The following OTOF variants were observed in gnomAD, a reference collection of about 807,000 sequenced individuals.
OTOF encodes the protein otoferlin.
A neutral mutation model predicts 236.8 loss-of-function variants in OTOF; 218 were observed. The ratio of observed to expected loss-of-function variants is 0.92; its 90% confidence interval spans 0.82 to 1.03. The LOEUF (loss-of-function observed/expected upper bound fraction) is 1.03, where lower values mean the gene tolerates loss of function less well. Among genes scored for constraint, OTOF ranks in the 50% least tolerant of loss-of-function variants. The pLI is 0.00. For missense variants in OTOF, 2,590 were observed against 2,694.4 expected (o/e 0.96, Z 0.86); for synonymous variants, 1,041 against 1,072.5 (o/e 0.97, Z 0.57).
chr2:26,488,160 C>T (rs920577244), intron 11 of OTOF, among the ~76,000 whole-genome samples: 2 of 152,196 alleles, frequency 1.3e-5, no homozygotes, highest in Admixed American at 6.5e-5. Context: ...GAACCACAAG[C>T]GATCGCCAAT....
intron 1 of OTOF, among the ~76,000 whole-genome samples, chr2:26,543,411 C>A (rs1333871237): frequency 6.6e-6 from 1 of 152,192 alleles, no homozygotes; most frequent in Non-Finnish European, 1.5e-5. Flanking sequence ...GGGACCATCA[C>A]GAGGATGACA....
Position 26,461,693 on chromosome 2 carries a change from C to T in OTOF, c.5533+3G>A. The T allele has an allele frequency of 6.2e-7, 1 of 1,613,840 alleles. No homozygotes were observed. The highest frequency in any genetic ancestry group is 8.5e-7 in the Non-Finnish European group (1 of 1,180,024). On this transcript the variant is annotated splice_donor_region_variant and intron_variant, in intron 43 of 46. Coordinates refer to ENST00000272371, the MANE Select transcript of OTOF (RefSeq NM_194248.3). The surrounding 1 kb of genome is among the most constrained non-coding windows in gnomAD (Gnocchi z 6.2). Reference sequence around the variant, plus strand: ...GAACCCCCATCCCTGCCCTGCTCTGCACCCAGGAAGTCGTCAGCGGAGAAG... The same window carrying T: ...GAACCCCCATCCCTGCCCTGCTCTGTACCCAGGAAGTCGTCAGCGGAGAAG...
At chr2:26,535,776 G>A (rs1667055329) in intron 2 of OTOF, among the ~76,000 whole-genome samples, 1 of 152,206 alleles carries the variant, frequency 6.6e-6, no homozygotes, top group South Asian at 2.1e-4. Flanking sequence ...TAGATGCTCG[G>A]AATGTGGCCC....
chr2:26,533,331 GGAAA>G (rs1369192888), intron 2 of OTOF, among the ~76,000 whole-genome samples: 1 of 152,152 alleles, frequency 6.6e-6, no homozygotes, highest in Non-Finnish European at 1.5e-5. Flanking sequence ...AGAGTACAAT[GGAAA>G]GAGACGGATT....
intron 2 of OTOF, among the ~76,000 whole-genome samples, chr2:26,533,869 A>G (rs913348117): frequency 2.0e-5 from 3 of 152,014 alleles, no homozygotes; most frequent in African/African-American, 7.2e-5. Context: ...TCTGGCCTCC[A>G]GGAGGTAACA....
At chr2:26,517,326 G>A (rs1666558604) in intron 4 of OTOF, among the ~76,000 whole-genome samples, 1 of 152,174 alleles carries the variant, frequency 6.6e-6, no homozygotes, top group Non-Finnish European at 1.5e-5. Flanking sequence ...CTGTGCCCCA[G>A]ACAGGCGGCC....
In OTOF at chr2:26,479,288, G is replaced by A. The variant is rs1354607870; in HGVS notation, c.2190C>T (p.Ile730=). 1 of 1,612,858 alleles carries A rather than the reference G, an allele frequency of 6.2e-7. No individual in the cohort carries two copies. The highest frequency in any genetic ancestry group is 8.5e-7 in the Non-Finnish European group (1 of 1,179,974). Reference sequence around the variant, plus strand: ...CCAGCTTGTCGGCAATGTGGTCCATGATGTTGGCATTGTAGAGGCGGCGGC... The same window carrying A: ...CCAGCTTGTCGGCAATGTGGTCCATAATGTTGGCATTGTAGAGGCGGCGGC... ...DQRRRLYNAN[I]MDHIADKLEE... The change falls in exon 18 of 47, where the codon ATC becomes ATT. Residue 730 remains isoleucine (I), a synonymous_variant. Transcript: ENST00000272371.
At chr2:26,542,096 G>A (rs1309162876) in intron 1 of OTOF, among the ~76,000 whole-genome samples, 1 of 152,270 alleles carries the variant, frequency 6.6e-6, no homozygotes, top group Non-Finnish European at 1.5e-5. Context: ...ATGGAGACGA[G>A]CTCAGTGCTT....
intron 3 of OTOF, among the ~76,000 whole-genome samples, chr2:26,525,106 G>C (rs1666769170): frequency 6.6e-6 from 1 of 152,216 alleles, no homozygotes; most frequent in African/African-American, 2.4e-5. Context: ...CCCCTGGTGG[G>C]GGGTGTCTCA....
chr2:26,537,849 C>T (rs1667112163), intron 1 of OTOF, 75 bp from the exon 2 acceptor site: 2 of 1,090,518 alleles, frequency 1.8e-6, no homozygotes, highest in Non-Finnish European at 2.8e-6. Context: ...CCTCCTCATC[C>T]TGGGAGTCGT....
chr2:26,460,924 G>GATGGAC lies in OTOF; in HGVS notation c.5634_5639dup (p.Ser1879_Ile1880insMetSer). The GATGGAC allele has an allele frequency of 6.2e-7, 1 of 1,614,150 alleles. No individual in the cohort carries two copies. The highest frequency in any genetic ancestry group is 8.5e-7 in the Non-Finnish European group (1 of 1,180,022). Reference sequence around the variant, plus strand: ...AGCCTTTGACGCGCTTTTGCTTGAAGATGGACACGAGGGGCACGTCCACCT... The same window carrying GATGGAC: ...AGCCTTTGACGCGCTTTTGCTTGAAGATGGACATGGACACGAGGGGCACGTCCACCT... On this transcript the variant is annotated inframe_insertion, in exon 44 of 47. Coordinates refer to ENST00000272371, the MANE Select transcript of OTOF (RefSeq NM_194248.3). The surrounding 1 kb of genome is among the most constrained non-coding windows in gnomAD (Gnocchi z 5.3).
chr2:26,558,291 C>G (rs553527851), intron 1 of OTOF, among the ~76,000 whole-genome samples: 10 of 152,208 alleles, frequency 6.6e-5, no homozygotes, highest in Non-Finnish European at 1.2e-4. Flanking sequence ...CATGGAAGAA[C>G]AGGGGACCCT....
chr2:26,483,205 ATGTGTGTGTGCGTGCC>A (rs1387484443), intron 13 of OTOF, among the ~76,000 whole-genome samples: 1 of 151,706 alleles, frequency 6.6e-6, no homozygotes, highest in Admixed American at 6.6e-5. Context: ...GAGTGGGTGC[ATGTGTGTGTGCGTGCC>A]TGTGTGTGGA....
chr2:26,472,324 C>T (rs1043618304), intron 30 of OTOF, 195 bp downstream of exon 30: 95 of 676,850 alleles, frequency 1.4e-4, no homozygotes, highest in Non-Finnish European at 9.4e-5. Context: ...ACATACCACA[C>T]GCACGCGTGT....
intron 3 of OTOF, 76 bp downstream of exon 3, chr2:26,527,756 C>T (rs1251140134): frequency 3.2e-5 from 35 of 1,080,320 alleles, no homozygotes; most frequent in Non-Finnish European, 4.9e-5. Context: ...AAGCCCCAAA[C>T]AGAGGGTAGC....
At chr2:26,497,647 G>A (rs1262545670) in intron 8 of OTOF, among the ~76,000 whole-genome samples, 1 of 152,150 alleles carries the variant, frequency 6.6e-6, no homozygotes, top group Non-Finnish European at 1.5e-5. Flanking sequence ...CAATGTTAAT[G>A]AGAACATTGC....
In OTOF at chr2:26,489,421, G is replaced by A. The variant is rs1042581638; in HGVS notation, c.961-126C>T. On this transcript the variant is annotated intron_variant, in intron 10 of 46. Coordinates refer to ENST00000272371, the MANE Select transcript of OTOF (RefSeq NM_194248.3). ...TTGGCAGAGTGGGGTGGCTCACTGA[G>A]GCTCAGCATCAGCTCCTCCTGCCCA... 6.4e-6 allele frequency: 5 copies of A among 779,870 alleles called. No homozygotes were observed. The African/African-American group carries it at 6.8e-5, about 11-fold the overall frequency. The allele number at this position is 779,870 out of a possible 1,614,324, so 48.3% of individuals were successfully genotyped here.
At position 26,527,913 on chromosome 2, in the gene OTOF, C is replaced by A. The variant is rs111033444; in HGVS notation, c.146G>T (p.Arg49Leu). ...GTCGATGCTGCTGGCCACCGGCCACCGAAATGTCTGGGGAGAGAGGGACAA... is the reference window on the plus strand; with the variant it reads ...GTCGATGCTGCTGGCCACCGGCCACAGAAATGTCTGGGGAGAGAGGGACAA... ...EDVADFDETF[R>L]WPVASSIDRN... The change falls in exon 3 of 47, where the codon CGG becomes CTG. Residue 49 changes from arginine (R) to leucine (L), a missense_variant. Physicochemically the swap from Arg to Leu is moderately radical, Grantham distance 102. This residue lies in a region of OTOF where 1,379 missense variants were observed against 1,341.6 expected (regional missense o/e 1.03). Coordinates refer to ENST00000272371, the MANE Select transcript of OTOF (RefSeq NM_194248.3). The A allele has an allele frequency of 3.1e-6, 5 of 1,613,706 alleles. No individual in the cohort carries two copies. The highest frequency in any genetic ancestry group is 1.3e-5 in the African/African-American group (1 of 74,896).
At chr2:26,506,766 G>A (rs568613657) in intron 5 of OTOF, among the ~76,000 whole-genome samples, 65 of 152,314 alleles carry the variant, frequency 4.3e-4, no homozygotes, top group Middle Eastern at 3.4e-3. Flanking sequence ...TTGGGAGGCC[G>A]AGGCAGGTGG....
Sources: allele counts gnomAD v4.1 joint callset (sites outside exome capture counted in the v4.1 genomes callset), GRCh38; gene constraint gnomAD v4.1.1; regional missense constraint gnomAD v4.1.1; non-coding constraint Gnocchi (gnomAD v3.1); transcripts MANE v1.5; gene names NCBI Gene and HGNC (gene_info 2026-07-23, HGNC 2026-07-21).